DACH2: variants seen among roughly 807,000 people sequenced by gnomAD.
DACH2 encodes the protein dachshund family transcription factor 2.
DACH2 carries 17 observed loss-of-function variants against 35.8 expected under a neutral mutation model. The observed-to-expected ratio is 0.48, with a 90% CI of 0.33 to 0.71. The LOEUF (loss-of-function observed/expected upper bound fraction) is 0.71, where lower values mean the gene tolerates loss of function less well. Among genes scored for constraint, DACH2 ranks in the 30% least tolerant of loss-of-function variants. The pLI is 0.02. For synonymous variants in DACH2, 195 were observed against 177.3 expected, an observed-to-expected ratio of 1.10 and a Z score of -0.79; for missense variants, 469 against 472.7, an observed-to-expected ratio of 0.99 and a Z score of 0.07.
At chrX:86,455,846 A>T (rs957508623) in intron 2 of DACH2, among the ~76,000 whole-genome samples, 2 of 112,037 alleles carry the variant, frequency 1.8e-5, no homozygotes, top group African/African-American at 3.2e-5. Flanking sequence ...CTTTCTAGGG[A>T]TATCTACAGA....
chrX:86,604,879 A>T (rs2039837540), intron 3 of DACH2, among the ~76,000 whole-genome samples: 1 of 111,764 alleles, frequency 8.9e-6, no homozygotes, highest in East Asian at 2.8e-4. Flanking sequence ...ATTGGTTCTG[A>T]GATGTAGGAG....
chrX:86,696,320 T>G (rs941509939), intron 5 of DACH2, among the ~76,000 whole-genome samples: 21 of 112,023 alleles, frequency 1.9e-4, no homozygotes, highest in African/African-American at 6.8e-4. Context: ...TATGGTGTGA[T>G]ACTTTAAAGT....
intron 4 of DACH2, among the ~76,000 whole-genome samples, chrX:86,666,734 T>A (rs1426255084): frequency 9.0e-6 from 1 of 111,718 alleles, no homozygotes; most frequent in East Asian, 2.8e-4. Flanking sequence ...TCACTCTAAT[T>A]GCAGAAGGGA....
At chrX:86,314,387 T>C (rs1483662595) in intron 1 of DACH2, among the ~76,000 whole-genome samples, 1 of 110,607 alleles carries the variant, frequency 9.0e-6, no homozygotes, top group Non-Finnish European at 1.9e-5. Context: ...GCATACGGGT[T>C]CATGCCTGTA....
At chrX:86,260,433 G>A (rs1228875070) in intron 1 of DACH2, among the ~76,000 whole-genome samples, 1 of 111,494 alleles carries the variant, frequency 9.0e-6, no homozygotes, top group Non-Finnish European at 1.9e-5. Flanking sequence ...CACTGAGCTG[G>A]GTTCTCCGAA....
chrX:86,747,860 C>A (rs1470951819), intron 7 of DACH2, among the ~76,000 whole-genome samples: 2 of 111,902 alleles, frequency 1.8e-5, no homozygotes, highest in South Asian at 7.4e-4. Context: ...AGGCATCTTA[C>A]CTGCAGTAAA....
intron 3 of DACH2, 79 bp downstream of exon 3, chrX:86,514,470 G>GC: frequency 1.1e-6 from 1 of 916,121 alleles, no homozygotes; most frequent in South Asian, 3.0e-5. Flanking sequence ...TGATCTAACT[G>GC]CCTTGTCCTT....
At chrX:86,269,378 T>G (rs981787116) in intron 1 of DACH2, among the ~76,000 whole-genome samples, 1 of 111,877 alleles carries the variant, frequency 8.9e-6, no homozygotes, top group African/African-American at 3.2e-5. Flanking sequence ...TACCACATTT[T>G]CGAACTTTCT....
chrX:86,207,441 C>A, intron 1 of DACH2, among the ~76,000 whole-genome samples: 1 of 110,751 alleles, frequency 9.0e-6, no homozygotes, highest in South Asian at 3.8e-4. Flanking sequence ...AATATATGTG[C>A]ACCAAAAATA....
chrX:86,210,812 C>T (rs949389248), intron 1 of DACH2, among the ~76,000 whole-genome samples: 1 of 111,860 alleles, frequency 8.9e-6, no homozygotes, highest in Non-Finnish European at 1.9e-5. Flanking sequence ...AAAGCCATTA[C>T]AAGTTGCCGT....
At chrX:86,748,345 G>A (rs897335318) in intron 7 of DACH2, among the ~76,000 whole-genome samples, 1 of 111,990 alleles carries the variant, frequency 8.9e-6, no homozygotes, top group Admixed American at 9.5e-5. Flanking sequence ...CTCTATATAT[G>A]GAAGCTATAG....
chrX:86,543,098 C>T (rs762214229), intron 3 of DACH2, among the ~76,000 whole-genome samples: 12 of 111,130 alleles, frequency 1.1e-4, no homozygotes, highest in East Asian at 5.7e-4. Context: ...AAGACTGGTG[C>T]GCTCAGAGTA....
intron 1 of DACH2, among the ~76,000 whole-genome samples, chrX:86,310,600 T>A (rs778885810): frequency 4.5e-5 from 5 of 111,991 alleles, no homozygotes; most frequent in African/African-American, 1.3e-4. Context: ...GTGCACCTGG[T>A]TGTGCACTTT....
intron 3 of DACH2, among the ~76,000 whole-genome samples, chrX:86,628,479 T>C (rs1427802439): frequency 8.9e-6 from 1 of 112,378 alleles, no homozygotes; most frequent in Non-Finnish European, 1.9e-5. Flanking sequence ...AGACAAACAC[T>C]ATCCTCGCTG....
intron 5 of DACH2, among the ~76,000 whole-genome samples, chrX:86,709,413 G>T (rs1452922052): frequency 9.0e-6 from 1 of 111,665 alleles, no homozygotes; most frequent in East Asian, 2.8e-4. Context: ...AACTCAAAAG[G>T]ATCATAGTCC....
chrX:86,538,141 C>A (rs958883943), intron 3 of DACH2, among the ~76,000 whole-genome samples: 3 of 111,243 alleles, frequency 2.7e-5, no homozygotes, highest in African/African-American at 9.8e-5. Flanking sequence ...CACGGATGCA[C>A]GTGACATGGT....
intron 3 of DACH2, among the ~76,000 whole-genome samples, chrX:86,649,266 G>A (rs1390434683): frequency 9.0e-6 from 1 of 110,587 alleles, no homozygotes; most frequent in East Asian, 2.8e-4. Flanking sequence ...TCAGAGTTAG[G>A]AAGCATATAT....
chrX:86,396,130 G>A (rs1236522627), intron 2 of DACH2, among the ~76,000 whole-genome samples: 3 of 112,027 alleles, frequency 2.7e-5, no homozygotes, highest in Non-Finnish European at 3.8e-5. Flanking sequence ...GCATTTCTCC[G>A]ATGGCCAGTG....
intron 1 of DACH2, among the ~76,000 whole-genome samples, chrX:86,331,584 AG>A (rs1484945593): frequency 9.0e-6 from 1 of 111,626 alleles, no homozygotes; most frequent in Non-Finnish European, 1.9e-5. Flanking sequence ...TTTTATAGGA[AG>A]GCTTTTACAA....
Sources: gnomAD v4.1 joint callset for allele counts (sites outside exome capture counted in the v4.1 genomes callset) on GRCh38, gnomAD v4.1.1 for gene constraint, MANE v1.5 for transcripts, NCBI Gene and HGNC (gene_info 2026-07-23, HGNC 2026-07-21) for gene names.